Variants in HYLS1 observed in about 807,000 individuals in gnomAD.
HYLS1 encodes HYLS1 centriolar and ciliogenesis associated.
Under a neutral mutation model 29.4 loss-of-function variants are expected in HYLS1, and 25 were observed. That is an observed-to-expected ratio of 0.85 (90% CI 0.62 to 1.19). The LOEUF is 1.19. Ranked by LOEUF, HYLS1 falls within the 50% of genes most tolerant of loss-of-function variation. The pLI is 0.00. For synonymous variants in HYLS1, 128 were observed against 126.7 expected (o/e 1.01, Z -0.07); for missense variants, 352 against 365.1 (o/e 0.96, Z 0.29).
chr11:125,900,539 T>C lies in HYLS1; in HGVS notation c.*271T>C, dbSNP rs1381011660. On this transcript the variant is annotated 3_prime_UTR_variant, in exon 3 of 3. Transcript: ENST00000425380. Reference sequence around the variant, plus strand: ...TTTTGTCAAATTAGTAAGGGCCCTTTGTGTCCTGTAACTTTTTTTACCTAT... The same window carrying C: ...TTTTGTCAAATTAGTAAGGGCCCTTCGTGTCCTGTAACTTTTTTTACCTAT... 4 of 432,188 alleles carry C rather than the reference T, an allele frequency of 9.3e-6. No individual in the cohort carries two copies. The highest frequency in any genetic ancestry group is 1.8e-5 in the Non-Finnish European group (4 of 227,096). 26.8% of individuals were successfully genotyped at this position (432,188 alleles called of 1,614,324 possible).
intron 1 of HYLS1, chr11:125,888,237 C>T (rs1274068094): frequency 6.6e-6 from 1 of 152,282 alleles, no homozygotes; most frequent in East Asian, 1.9e-4. Flanking sequence ...CTTTTGTGGA[C>T]TGCAGCATGG....
Position 125,899,995 on chromosome 11 carries a change from G to A in HYLS1, c.627G>A (p.Lys209=). ...ACCAGTTAAGCCGAAACCGGGGCAAGACAGACCGGGTAGCCCGGTATTTTG... is the reference window on the plus strand; with the variant it reads ...ACCAGTTAAGCCGAAACCGGGGCAAAACAGACCGGGTAGCCCGGTATTTTG... ...KLDQLSRNRG[K]TDRVARYFEY... Residue 209 remains lysine (K), a synonymous_variant, in exon 3 of 3, where the codon AAG becomes AAA. Transcript: ENST00000425380. The A allele has an allele frequency of 1.2e-6, 2 of 1,614,252 alleles. No homozygotes were observed. Among genetic ancestry groups the A allele is most frequent in the Non-Finnish European group, 1.7e-6 (2 of 1,180,054 alleles).
At chr11:125,893,686 T>A (rs80185627) in intron 2 of HYLS1, 4 of 807,692 alleles carry the variant, frequency 5.0e-6, no homozygotes, top group African/African-American at 1.8e-5. Flanking sequence ...TAAGAGCTGA[T>A]CATCTGAATT....
chr11:125,885,377 G>C (rs1046116700), upstream of HYLS1, among the ~76,000 whole-genome samples: 6 of 152,154 alleles, frequency 3.9e-5, no homozygotes, highest in African/African-American at 1.4e-4. Flanking sequence ...TTTGAACCTG[G>C]GAGGTGGAGG....
upstream of HYLS1, chr11:125,886,956 T>A: frequency 7.1e-6 from 1 of 141,448 alleles, no homozygotes; most frequent in East Asian, 2.1e-4. Flanking sequence ...AGTAACACCA[T>A]GTGAAGGAGA....
chr11:125,891,532 C>T (rs757831252), intron 2 of HYLS1, 60 bp downstream of exon 2: 12 of 137,560 alleles, frequency 8.7e-5, no homozygotes, highest in Non-Finnish European at 1.4e-4. Context: ...TTAAGTTATT[C>T]CACCATGATC....
chr11:125,896,466 T>A, intron 2 of HYLS1: 1 of 628,596 alleles, frequency 1.6e-6, no homozygotes, highest in Non-Finnish European at 2.7e-6. Context: ...AGCTTTATTG[T>A]GGGTTGATCA....
Position 125,887,687 on chromosome 11 carries a change from C to T in HYLS1, c.-154C>T, listed in dbSNP as rs1384582462. On this transcript the variant is annotated 5_prime_UTR_variant, in exon 1 of 3. In the 5' UTR this introduces an upstream ATG that the reference lacks. Coordinates refer to ENST00000425380, the MANE Select transcript of HYLS1 (RefSeq NM_001134793.2). ...GCCGGCAGTGCGCCTGCGCAAGTTACGCGAAAGCTAACAGAATCTGCGGTG... is the reference window on the plus strand; with the variant it reads ...GCCGGCAGTGCGCCTGCGCAAGTTATGCGAAAGCTAACAGAATCTGCGGTG... The T allele has an allele frequency of 6.6e-6, 1 of 152,334 alleles. No individual in the cohort carries two copies. The highest frequency in any genetic ancestry group is 6.5e-5 in the Admixed American group (1 of 15,294). The allele number at this position is 152,334 out of a possible 1,614,324, so 9.4% of individuals were successfully genotyped here.
chr11:125,888,186 C>G (rs917993600), intron 1 of HYLS1: 5 of 152,286 alleles, frequency 3.3e-5, no homozygotes, highest in Non-Finnish European at 5.9e-5. Flanking sequence ...CGAGCTTTGC[C>G]GTTGAAAGGC....
At chr11:125,894,539 A>G (rs1467241866) in intron 2 of HYLS1, among the ~76,000 whole-genome samples, 1 of 152,240 alleles carries the variant, frequency 6.6e-6, no homozygotes, top group Non-Finnish European at 1.5e-5. Flanking sequence ...ACATGGCTCC[A>G]TCATACTGCT....
chr11:125,896,003 A>G, intron 2 of HYLS1: 1 of 1,614,182 alleles, frequency 6.2e-7, no homozygotes. Flanking sequence ...TTAGAGCTTC[A>G]AACAGTTTCT....
chr11:125,890,046 C>T (rs993328462), intron 1 of HYLS1, among the ~76,000 whole-genome samples: 1 of 152,172 alleles, frequency 6.6e-6, no homozygotes, highest in Non-Finnish European at 1.5e-5. Context: ...TCAAGCGGTC[C>T]TCTTGCTTCA....
At chr11:125,889,008 G>T (rs1187427522) in intron 1 of HYLS1, among the ~76,000 whole-genome samples, 1 of 151,984 alleles carries the variant, frequency 6.6e-6, no homozygotes, top group Non-Finnish European at 1.5e-5. Flanking sequence ...TTCACATTTA[G>T]GTTTACTTCA....
In HYLS1 at chr11:125,894,149, A is replaced by T. The variant is rs779344310; in HGVS notation, c.-26+2677A>T. The T allele has an allele frequency of 2.5e-6, 4 of 1,614,036 alleles. No homozygotes were observed. The highest frequency in any genetic ancestry group is 1.7e-6 in the Non-Finnish European group (2 of 1,179,952). ...CAGTCCTTGTAGCATACTATACAAC[A>T]TGTGAGTTTTGACAGCATGATTAGC... On this transcript the variant is annotated intron_variant, in intron 2 of 2. Transcript: ENST00000425380.
At position 125,889,702 on chromosome 11, in the gene HYLS1, AACTCCAGCCTGGGCGACAGAGAGAG is replaced by A. The variant is rs564803817; in HGVS notation, c.-75-1716_-75-1692del. ...CGGTGAGCCGAGATCAGGCCACCGCAACTCCAGCCTGGGCGACAGAGAGAGACTCGTCTCAAAAAACAACAACAAT... is the reference window on the plus strand; with the variant it reads ...CGGTGAGCCGAGATCAGGCCACCGCAACTCGTCTCAAAAAACAACAACAAT... On this transcript the variant is annotated intron_variant, in intron 1 of 2. Coordinates refer to ENST00000425380, the MANE Select transcript of HYLS1 (RefSeq NM_001134793.2). 2.0e-3 allele frequency among the ~76,000 whole-genome samples: 310 copies of A among 152,166 alleles called. 4 individuals carry two copies. The South Asian group carries it at 0.037, about 18-fold the overall frequency.
At chr11:125,885,334 C>T (rs1299197447), upstream of HYLS1, among the ~76,000 whole-genome samples, 7 of 151,978 alleles carry the variant, frequency 4.6e-5, no homozygotes, top group Admixed American at 4.6e-4. Flanking sequence ...GCCTGTAGTC[C>T]CAGCTACTCA....
intron 1 of HYLS1, among the ~76,000 whole-genome samples, chr11:125,889,336 A>C (rs958523096): frequency 2.6e-5 from 4 of 152,154 alleles, no homozygotes; most frequent in Non-Finnish European, 4.4e-5. Context: ...GGTCACTTGT[A>C]TGTATACATG....
At chr11:125,892,174 G>A (rs1944426944) in intron 2 of HYLS1, among the ~76,000 whole-genome samples, 1 of 152,166 alleles carries the variant, frequency 6.6e-6, no homozygotes, top group African/African-American at 2.4e-5. Context: ...ATCTAGAAGA[G>A]TAAGAATTTA....
chr11:125,896,992 TG>T (rs1378815749), intron 2 of HYLS1, among the ~76,000 whole-genome samples: 4 of 152,220 alleles, frequency 2.6e-5, no homozygotes, highest in Non-Finnish European at 5.9e-5. Context: ...ATGCATATTT[TG>T]ATAAAAGATT....
Sources: gnomAD v4.1 joint callset for allele counts (sites outside exome capture counted in the v4.1 genomes callset) on GRCh38, gnomAD v4.1.1 for gene constraint, MANE v1.5 for transcripts, NCBI Gene and HGNC (gene_info 2026-07-23, HGNC 2026-07-21) for gene names.